Variants in RNF150 observed in about 807,000 individuals in gnomAD.
RNF150 encodes ring finger protein 150.
A neutral mutation model predicts 39.3 loss-of-function variants in RNF150; 24 were observed. That is an observed-to-expected ratio of 0.61 (90% CI 0.44 to 0.86). The LOEUF is 0.86. Among genes scored for constraint, RNF150 ranks in the 40% least tolerant of loss-of-function variants. The probability of loss-of-function intolerance (pLI) is 0.00; values close to 1 mark genes in which losing one functional copy is unlikely to be tolerated. For missense variants in RNF150, 502 were observed against 587.8 expected (o/e 0.85, Z 1.51); for synonymous variants, 255 against 227.3 (o/e 1.12, Z -1.10).
intron 1 of RNF150, among the ~76,000 whole-genome samples, chr4:141,012,849 C>A (rs1578630988): frequency 1.3e-5 from 2 of 149,054 alleles, no homozygotes; most frequent in East Asian, 4.0e-4. Flanking sequence ...CCTTCAATTG[C>A]CAATATGCTT....
At chr4:140,929,358 GTTTTTTTTTTTTTT>G (rs532514901) in intron 4 of RNF150, among the ~76,000 whole-genome samples, 1 of 51,570 alleles carries the variant, frequency 1.9e-5, no homozygotes, top group Non-Finnish European at 3.3e-5. Context: ...TGGATGCTAA[GTTTTTTTTTTTTTT>G]TTTTTTTTTT....
At chr4:140,884,498 T>C (rs1211871394) in intron 6 of RNF150, among the ~76,000 whole-genome samples, 1 of 152,190 alleles carries the variant, frequency 6.6e-6, no homozygotes, top group Non-Finnish European at 1.5e-5. Context: ...AGGCCTTTTC[T>C]GAGGATGTGT....
intron 5 of RNF150, among the ~76,000 whole-genome samples, chr4:140,925,163 T>A (rs1358194736): frequency 5.9e-5 from 9 of 152,144 alleles, no homozygotes; most frequent in Admixed American, 5.2e-4. Flanking sequence ...CACCGTATGG[T>A]TTCTCACATC....
chr4:140,950,504 G>C (rs1024923452), intron 2 of RNF150, among the ~76,000 whole-genome samples: 4 of 152,230 alleles, frequency 2.6e-5, no homozygotes, highest in African/African-American at 9.6e-5. Flanking sequence ...ATATCATAGA[G>C]TTAGTGAAAG....
intron 1 of RNF150, among the ~76,000 whole-genome samples, chr4:141,088,085 C>T (rs1288141330): frequency 6.6e-6 from 1 of 152,126 alleles, no homozygotes; most frequent in Non-Finnish European, 1.5e-5. Context: ...ATTAATTAAA[C>T]TTTCTGAGCC....
At chr4:141,002,920 A>G (rs1163558566) in intron 1 of RNF150, among the ~76,000 whole-genome samples, 3 of 152,190 alleles carry the variant, frequency 2.0e-5, no homozygotes, top group Non-Finnish European at 4.4e-5. Flanking sequence ...CCAAAAGTTA[A>G]GAACATTAAC....
At chr4:141,069,751 C>A (rs1012796440) in intron 1 of RNF150, among the ~76,000 whole-genome samples, 1 of 151,852 alleles carries the variant, frequency 6.6e-6, no homozygotes, top group African/African-American at 2.4e-5. Flanking sequence ...TGTTATTGGT[C>A]TATTCAGAGA....
chr4:141,090,281 T>C (rs141327732), intron 1 of RNF150, among the ~76,000 whole-genome samples: 172 of 152,344 alleles, frequency 1.1e-3, no homozygotes, highest in Admixed American at 2.2e-3. Context: ...GGGAAGCTTC[T>C]ACTGGGTTTA....
intron 1 of RNF150, among the ~76,000 whole-genome samples, chr4:141,206,618 C>A (rs1283993051): frequency 1.3e-5 from 2 of 151,818 alleles, no homozygotes; most frequent in Non-Finnish European, 2.9e-5. Context: ...TGTGTGATTG[C>A]CCTAATCCTG....
At chr4:140,991,866 C>T (rs1734206789) in intron 1 of RNF150, among the ~76,000 whole-genome samples, 1 of 152,132 alleles carries the variant, frequency 6.6e-6, no homozygotes, top group African/African-American at 2.4e-5. Flanking sequence ...TGTGAAAAGA[C>T]TGGAATCATG....
chr4:140,952,522 G>A (rs1006149815), intron 2 of RNF150, among the ~76,000 whole-genome samples: 2 of 152,102 alleles, frequency 1.3e-5, no homozygotes, highest in African/African-American at 2.4e-5. Context: ...GAAAACATCC[G>A]CTCAGTCTCT....
At chr4:140,884,831 G>T (rs560705712) in intron 6 of RNF150, among the ~76,000 whole-genome samples, 15 of 152,096 alleles carry the variant, frequency 9.9e-5, no homozygotes, top group African/African-American at 3.6e-4. Flanking sequence ...CTCTTTCTCT[G>T]CTTGAGAAGA....
chr4:141,082,713 C>T (rs912002742), intron 1 of RNF150, among the ~76,000 whole-genome samples: 2 of 151,036 alleles, frequency 1.3e-5, no homozygotes, highest in Non-Finnish European at 3.0e-5. Context: ...CTCAGCCTCC[C>T]GAGTAGCTGG....
intron 1 of RNF150, among the ~76,000 whole-genome samples, chr4:141,156,174 C>T (rs1727394136): frequency 6.6e-6 from 1 of 152,140 alleles, no homozygotes; most frequent in Non-Finnish European, 1.5e-5. Flanking sequence ...TCTCTGAGGT[C>T]CCCTTGGCCA....
At chr4:141,023,187 A>T (rs923730149) in intron 1 of RNF150, among the ~76,000 whole-genome samples, 1 of 151,968 alleles carries the variant, frequency 6.6e-6, no homozygotes, top group Non-Finnish European at 1.5e-5. Flanking sequence ...AATAAAATTT[A>T]AAATTTTCTA....
At chr4:140,894,097 G>A (rs773549607) in intron 6 of RNF150, among the ~76,000 whole-genome samples, 1 of 152,176 alleles carries the variant, frequency 6.6e-6, no homozygotes, top group Admixed American at 6.5e-5. Context: ...AAAGCTTTTA[G>A]TAGATCTGGC....
chr4:141,185,539 T>C (rs1332960014), intron 1 of RNF150, among the ~76,000 whole-genome samples: 4 of 152,204 alleles, frequency 2.6e-5, no homozygotes, highest in African/African-American at 7.2e-5. Context: ...CTTGCCTCAT[T>C]GTCCTGGTCC....
At chr4:141,118,554 C>T (rs148028207) in intron 1 of RNF150, among the ~76,000 whole-genome samples, 73 of 152,190 alleles carry the variant, frequency 4.8e-4, no homozygotes, top group African/African-American at 1.6e-3. Context: ...AAACACTGGG[C>T]CCCAATCAGG....
intron 1 of RNF150, among the ~76,000 whole-genome samples, chr4:141,177,726 T>G (rs1727837211): frequency 6.6e-6 from 1 of 152,188 alleles, no homozygotes; most frequent in African/African-American, 2.4e-5. Context: ...TGGAACCGAA[T>G]AAATTAAGAG....
Sources: allele counts gnomAD v4.1 joint callset (sites outside exome capture counted in the v4.1 genomes callset), GRCh38; gene constraint gnomAD v4.1.1; transcripts MANE v1.5; gene names NCBI Gene and HGNC (gene_info 2026-07-23, HGNC 2026-07-21).